The following ST6GAL1 variants were observed in gnomAD, a reference collection of about 807,000 sequenced individuals.
ST6GAL1 encodes the protein beta-galactoside alpha-2,6-sialyltransferase 1.
ST6GAL1 carries 20 observed loss-of-function variants against 38.0 expected under a neutral mutation model. The observed-to-expected ratio is 0.53, with a 90% confidence interval of 0.37 to 0.77. ST6GAL1 has a LOEUF of 0.77. Ranked by LOEUF, ST6GAL1 falls within the 30% of genes least tolerant of loss-of-function variation. The pLI is 0.00. For synonymous variants in ST6GAL1, 196 were observed against 188.2 expected (o/e 1.04, Z -0.34); for missense variants, 432 against 496.4 (o/e 0.87, Z 1.23).
intron 4 of ST6GAL1, among the ~76,000 whole-genome samples, chr3:187,047,946 CTT>C (rs35595658): frequency 2.6e-4 from 37 of 141,422 alleles, no homozygotes; most frequent in Non-Finnish European, 1.8e-4. Flanking sequence ...CTTTTCCTTT[CTT>C]TTTTTTTTTT....
At chr3:186,978,976 C>T (rs989824394) in intron 2 of ST6GAL1, among the ~76,000 whole-genome samples, 1 of 151,928 alleles carries the variant, frequency 6.6e-6, no homozygotes, top group Non-Finnish European at 1.5e-5. Context: ...CTTCTGACTT[C>T]CTCTAGTAGA....
chr3:187,042,890 G>C lies in ST6GAL1; in HGVS notation c.187G>C (p.Val63Leu). The change falls in exon 4 of 8, where the codon GTA becomes CTA. Residue 63 changes from valine to leucine, a missense_variant. Transcript: ENST00000169298. ...KLAMGSDSQS[V>L]SSSSTQDPHR... ...GGCCATGGGGTCTGATTCCCAGTCT[G>C]TATCCTCAAGCAGCACCCAGGACCC... 6.2e-7 allele frequency: 1 copy of C among 1,614,170 alleles called. No individual in the cohort carries two copies. The highest frequency in any genetic ancestry group is 8.5e-7 in the Non-Finnish European group (1 of 1,180,020).
At chr3:186,974,254 C>T (rs866928841) in intron 2 of ST6GAL1, among the ~76,000 whole-genome samples, 2 of 152,190 alleles carry the variant, frequency 1.3e-5, no homozygotes, top group South Asian at 2.1e-4. Context: ...CAGCCTAGAC[C>T]GTTCCTTGAG....
intron 2 of ST6GAL1, among the ~76,000 whole-genome samples, chr3:187,032,480 C>G (rs557743687): frequency 6.6e-6 from 1 of 152,218 alleles, no homozygotes; most frequent in African/African-American, 2.4e-5. Flanking sequence ...CCCATTTATT[C>G]ATTCAACAAA....
chr3:186,980,386 T>C (rs1432309719), intron 2 of ST6GAL1, among the ~76,000 whole-genome samples: 1 of 152,114 alleles, frequency 6.6e-6, no homozygotes, highest in African/African-American at 2.4e-5. Flanking sequence ...AGTATTATAA[T>C]ATAAATGAAT....
chr3:187,024,580 A>G (rs1004864893), intron 2 of ST6GAL1: 1 of 151,694 alleles, frequency 6.6e-6, no homozygotes, highest in Non-Finnish European at 1.5e-5. Context: ...ATTTGAAACC[A>G]CCAAATCTCA....
intron 2 of ST6GAL1, among the ~76,000 whole-genome samples, chr3:187,029,808 G>T (rs1047399176): frequency 6.6e-6 from 1 of 152,176 alleles, no homozygotes; most frequent in African/African-American, 2.4e-5. Flanking sequence ...TCATTTTAAT[G>T]ATTTTGACCA....
At chr3:186,951,753 T>C (rs1315516473) in intron 1 of ST6GAL1, among the ~76,000 whole-genome samples, 1 of 152,208 alleles carries the variant, frequency 6.6e-6, no homozygotes, top group Non-Finnish European at 1.5e-5. Context: ...ATACCTTTTG[T>C]CTTAGTCCAT....
chr3:186,931,198 T>A (rs1427359542), intron 1 of ST6GAL1: 2 of 1,144 alleles, frequency 1.7e-3, no homozygotes, highest in African/African-American at 7.0e-3. Flanking sequence ...GGTTTACGGA[T>A]CGACAAATTG....
chr3:187,022,187 C>A (rs181567470), intron 2 of ST6GAL1, among the ~76,000 whole-genome samples: 1 of 152,220 alleles, frequency 6.6e-6, no homozygotes, highest in Non-Finnish European at 1.5e-5. Context: ...GACACTATTT[C>A]CAGGTAGATA....
chr3:187,074,105 G>T, intron 6 of ST6GAL1, 54 bp from the exon 7 acceptor site: 1 of 1,503,946 alleles, frequency 6.6e-7, no homozygotes, highest in Non-Finnish European at 9.0e-7. Flanking sequence ...CTCCTGGGGG[G>T]AGCAGCTCAC....
intron 1 of ST6GAL1, among the ~76,000 whole-genome samples, chr3:186,943,152 C>A (rs1046790769): frequency 1.3e-5 from 2 of 152,168 alleles, no homozygotes; most frequent in African/African-American, 4.8e-5. Flanking sequence ...GGAAGAAGAT[C>A]CAGTAAGTTT....
intron 2 of ST6GAL1, among the ~76,000 whole-genome samples, chr3:187,022,196 T>C (rs1717338305): frequency 6.6e-6 from 1 of 152,260 alleles, no homozygotes; most frequent in East Asian, 1.9e-4. Flanking sequence ...TCCAGGTAGA[T>C]AGTGTTGGAA....
intron 3 of ST6GAL1, 100 bp from the exon 4 acceptor site, chr3:187,042,554 T>C (rs927843370): frequency 1.4e-5 from 16 of 1,156,378 alleles, no homozygotes; most frequent in African/African-American, 3.1e-5. Context: ...GGAATTCAAG[T>C]CACCTCATTT....
At chr3:187,048,779 C>T (rs1430962158) in intron 4 of ST6GAL1, among the ~76,000 whole-genome samples, 2 of 151,988 alleles carry the variant, frequency 1.3e-5, no homozygotes, top group African/African-American at 2.4e-5. Flanking sequence ...CAACATCAAG[C>T]ATCTGTTCTA....
intron 2 of ST6GAL1, among the ~76,000 whole-genome samples, chr3:186,984,880 C>A (rs1255344707): frequency 7.1e-6 from 1 of 140,640 alleles, no homozygotes; most frequent in Non-Finnish European, 1.5e-5. Context: ...TCCTTCCTTC[C>A]GTCCTTTCTT....
intron 2 of ST6GAL1, among the ~76,000 whole-genome samples, chr3:187,010,970 G>A (rs1054460990): frequency 6.6e-6 from 1 of 152,258 alleles, no homozygotes; most frequent in East Asian, 1.9e-4. Flanking sequence ...CTTCGGGGCC[G>A]AGAGAACTTT....
intron 2 of ST6GAL1, among the ~76,000 whole-genome samples, chr3:187,029,039 TTG>T (rs924171945): frequency 6.8e-6 from 1 of 146,694 alleles, no homozygotes; most frequent in African/African-American, 2.5e-5. Context: ...TGAACAGAGA[TTG>T]TGCCACTGTG....
At chr3:186,962,501 G>A (rs1245008258) in intron 1 of ST6GAL1, among the ~76,000 whole-genome samples, 1 of 152,186 alleles carries the variant, frequency 6.6e-6, no homozygotes, top group African/African-American at 2.4e-5. Flanking sequence ...GGTGAACGAG[G>A]ATATGTGGGT....
Sources: gnomAD v4.1 joint callset for allele counts (sites outside exome capture counted in the v4.1 genomes callset) on GRCh38, gnomAD v4.1.1 for gene constraint, MANE v1.5 for transcripts, NCBI Gene and HGNC (gene_info 2026-07-23, HGNC 2026-07-21) for gene names.